Variants in SENP6 observed in about 807,000 individuals in gnomAD.
SENP6 encodes SUMO specific peptidase 6.
Under a neutral mutation model 134.5 loss-of-function variants are expected in SENP6, and 41 were observed. That is an observed-to-expected ratio of 0.30 (90% CI 0.24 to 0.40). The LOEUF is 0.40. Ranked by LOEUF, SENP6 falls within the 10% of genes least tolerant of loss-of-function variation. The probability of loss-of-function intolerance (pLI) is 1.00; values close to 1 mark genes in which losing one functional copy is unlikely to be tolerated. For synonymous variants in SENP6, 395 were observed against 429.8 expected, an observed-to-expected ratio of 0.92 and a Z score of 1.00; for missense variants, 1,248 against 1,312.5, an observed-to-expected ratio of 0.95 and a Z score of 0.76.
intron 6 of SENP6, chr6:75,646,372 T>G (rs2149847982): frequency 6.6e-6 from 1 of 152,308 alleles, no homozygotes; most frequent in South Asian, 2.1e-4. Context: ...ATTCTGGCAT[T>G]GCTATTTAAT....
intron 14 of SENP6, chr6:75,677,519 CTG>C (rs1323467287): frequency 1.0e-5 from 3 of 286,630 alleles, no homozygotes; most frequent in Non-Finnish European, 2.0e-5. Flanking sequence ...ATCATTTTCT[CTG>C]TCATCCTTTT....
At chr6:75,674,022 A>G (rs530103676) in intron 11 of SENP6, among the ~76,000 whole-genome samples, 13 of 152,134 alleles carry the variant, frequency 8.5e-5, no homozygotes, top group Non-Finnish European at 1.9e-4. Context: ...CTCATTCTCA[A>G]ATAAATAAAT....
At chr6:75,705,924 CCTTTTTTTTTTTTTTTTTTTTTT>C (rs1775371642) in intron 19 of SENP6, among the ~76,000 whole-genome samples, 1 of 89,280 alleles carries the variant, frequency 1.1e-5, no homozygotes, top group South Asian at 3.7e-4. Context: ...TATTTTTGAG[CCTTTTTTTTTTTTTTTTTTTTTT>C]TTTTTTTGAG....
intron 7 of SENP6, among the ~76,000 whole-genome samples, chr6:75,648,931 C>T (rs1035329903): frequency 6.6e-6 from 1 of 152,184 alleles, no homozygotes; most frequent in African/African-American, 2.4e-5. Context: ...AAACACTGTA[C>T]ATTACTATAT....
At chr6:75,614,516 T>C (rs1317890499) in intron 1 of SENP6, among the ~76,000 whole-genome samples, 1 of 152,204 alleles carries the variant, frequency 6.6e-6, no homozygotes, top group Non-Finnish European at 1.5e-5. Flanking sequence ...TCCACCTGCC[T>C]TGGCCTCCCA....
intron 4 of SENP6, 148 bp downstream of exon 4, chr6:75,633,874 C>T: frequency 1.9e-6 from 1 of 528,874 alleles, no homozygotes; most frequent in East Asian, 3.4e-5. Context: ...TATGTGGATT[C>T]TTTGCTTTGA....
intron 7 of SENP6, chr6:75,655,296 A>T (rs1014064916): frequency 6.6e-6 from 1 of 152,284 alleles, no homozygotes; most frequent in Non-Finnish European, 1.5e-5. Context: ...TCACCCTCAC[A>T]TTCTTTCTTT....
chr6:75,675,644 C>T lies in SENP6; in HGVS notation c.1426+176C>T. ...ATTTCATTCAGAAATATCACAGAAC[C>T]TAACTTTTTAGAAACCCCTTTTCAT... is the stretch of plus-strand genomic sequence containing the variant. On this transcript the variant is annotated intron_variant, in intron 12 of 23. Transcript: ENST00000447266. 3 of 718,394 alleles carry T rather than the reference C, an allele frequency of 4.2e-6. No individual in the cohort carries two copies. In the Admixed American group the frequency reaches 9.3e-5, roughly 22 times the overall value. The allele number at this position is 718,394 out of a possible 1,614,324, so 44.5% of individuals were successfully genotyped here.
intron 1 of SENP6, among the ~76,000 whole-genome samples, chr6:75,604,859 G>A (rs902251870): frequency 6.6e-6 from 1 of 151,764 alleles, no homozygotes; most frequent in Non-Finnish European, 1.5e-5. Context: ...GATCACCTGA[G>A]GTCAGGAGTT....
intron 10 of SENP6, among the ~76,000 whole-genome samples, chr6:75,668,580 A>G (rs1772429378): frequency 6.6e-6 from 1 of 152,232 alleles, no homozygotes; most frequent in Non-Finnish European, 1.5e-5. Flanking sequence ...AAACTATGAT[A>G]TTGTCTCAAT....
chr6:75,625,635 A>C (rs1417395063), intron 3 of SENP6, among the ~76,000 whole-genome samples: 1 of 152,212 alleles, frequency 6.6e-6, no homozygotes, highest in Non-Finnish European at 1.5e-5. Flanking sequence ...TTGGGAGGCC[A>C]AAGCAGGCAG....
intron 7 of SENP6, among the ~76,000 whole-genome samples, chr6:75,658,183 A>G (rs1771488238): frequency 6.6e-6 from 1 of 152,166 alleles, no homozygotes; most frequent in Non-Finnish European, 1.5e-5. Context: ...GTCATCGATT[A>G]TTTAAATTTC....
intron 11 of SENP6, among the ~76,000 whole-genome samples, chr6:75,671,127 A>G (rs1258712540): frequency 1.3e-5 from 2 of 152,238 alleles, no homozygotes; most frequent in Non-Finnish European, 2.9e-5. Context: ...TTATTGTACT[A>G]TAATGGCTGC....
At chr6:75,670,785 A>G (rs769170510) in intron 11 of SENP6, 65 bp downstream of exon 11, 593 of 830,440 alleles carry the variant, frequency 7.1e-4, no homozygotes, top group Middle Eastern at 8.4e-4. Flanking sequence ...GCTAAAGCTA[A>G]TATATAATAT....
At chr6:75,706,168 G>A (rs961890453) in intron 19 of SENP6, among the ~76,000 whole-genome samples, 26 of 151,746 alleles carry the variant, frequency 1.7e-4, no homozygotes, top group Non-Finnish European at 2.8e-4. Context: ...GTGGCTGCTC[G>A]GGGCTTTTGG....
intron 11 of SENP6, 26 bp from the exon 12 acceptor site, chr6:75,675,409 C>A: frequency 7.7e-7 from 1 of 1,296,152 alleles, no homozygotes; most frequent in Non-Finnish European, 1.1e-6. Flanking sequence ...AAGTCTAGAG[C>A]AATACTAATT....
At chr6:75,658,974 C>CCAA (rs1771557619) in intron 7 of SENP6, among the ~76,000 whole-genome samples, 1 of 71,942 alleles carries the variant, frequency 1.4e-5, no homozygotes, top group Non-Finnish European at 2.3e-5. Context: ...CTTGTCTCCC[C>CCAA]AAAAAAAAAA....
At chr6:75,675,771 T>G in intron 12 of SENP6, 89 bp from the exon 13 acceptor site, 1 of 1,153,902 alleles carries the variant, frequency 8.7e-7, no homozygotes, top group Non-Finnish European at 1.3e-6. Flanking sequence ...TGCTTACATT[T>G]ACTTAAACTT....
chr6:75,666,274 AT>A (rs1472204593), intron 9 of SENP6, among the ~76,000 whole-genome samples: 2 of 147,506 alleles, frequency 1.4e-5, no homozygotes, highest in Non-Finnish European at 3.0e-5. Flanking sequence ...TAAAATATAT[AT>A]TATATATATA....
Sources: gnomAD v4.1 joint callset for allele counts (sites outside exome capture counted in the v4.1 genomes callset) on GRCh38, gnomAD v4.1.1 for gene constraint, MANE v1.5 for transcripts, NCBI Gene and HGNC (gene_info 2026-07-23, HGNC 2026-07-21) for gene names.